The following CACNB2 variants were observed in gnomAD, a reference collection of about 807,000 sequenced individuals.
The protein encoded by CACNB2 is voltage-dependent L-type calcium channel subunit beta-2.
Under a neutral mutation model 73.3 loss-of-function variants are expected in CACNB2, and 42 were observed. The observed-to-expected ratio is 0.57, with a 90% CI of 0.45 to 0.74. CACNB2 has a LOEUF of 0.74. Among genes scored for constraint, CACNB2 ranks in the 30% least tolerant of loss-of-function variants. The pLI, the probability that CACNB2 is intolerant of heterozygous loss-of-function variation, is 0.00. For synonymous variants in CACNB2, 348 were observed against 310.3 expected, an observed-to-expected ratio of 1.12 and a Z score of -1.28; for missense variants, 940 against 853.0, an observed-to-expected ratio of 1.10 and a Z score of -1.27.
intron 2 of CACNB2, among the ~76,000 whole-genome samples, chr10:18,307,145 A>G (rs948953711): frequency 6.6e-6 from 1 of 152,172 alleles, no homozygotes; most frequent in Non-Finnish European, 1.5e-5. Flanking sequence ...AACCAGAGGA[A>G]TACCTCAAAA....
At chr10:18,442,910 AT>A (rs2046487431) in intron 3 of CACNB2, among the ~76,000 whole-genome samples, 1 of 50,452 alleles carries the variant, frequency 2.0e-5, no homozygotes, top group African/African-American at 1.8e-4. Context: ...TGTAAAAACA[AT>A]ATATATATAT....
intron 2 of CACNB2, among the ~76,000 whole-genome samples, chr10:18,358,553 GCTCTCTCTCTC>G (rs2042023541): frequency 3.1e-4 from 11 of 35,046 alleles, no homozygotes; most frequent in Non-Finnish European, 5.5e-4. Flanking sequence ...TCTCTCTCTC[GCTCTCTCTCTC>G]TCTCTCTGGA....
At chr10:18,432,450 C>CTGTGTGTGTGTGTGTG (rs57188373) in intron 3 of CACNB2, among the ~76,000 whole-genome samples, 11 of 150,628 alleles carry the variant, frequency 7.3e-5, no homozygotes, top group African/African-American at 2.7e-4. Flanking sequence ...GTGTGTGTCT[C>CTGTGTGTGTGTGTGTG]TGTGTGTGTG....
At chr10:18,529,620 C>A (rs186165892) in intron 10 of CACNB2, among the ~76,000 whole-genome samples, 1 of 152,136 alleles carries the variant, frequency 6.6e-6, no homozygotes, top group Non-Finnish European at 1.5e-5. Context: ...AAAGCCACAA[C>A]AGGCTTCTGA....
chr10:18,450,619 T>TTTTCTTC (rs2046971824), intron 3 of CACNB2, among the ~76,000 whole-genome samples: 1 of 143,022 alleles, frequency 7.0e-6, no homozygotes, highest in Admixed American at 6.8e-5. Flanking sequence ...TCCAGCTGCT[T>TTTTCTTC]TTTTTTCTTT....
intron 2 of CACNB2, among the ~76,000 whole-genome samples, chr10:18,249,571 A>G (rs944696936): frequency 7.2e-5 from 11 of 152,098 alleles, no homozygotes; most frequent in African/African-American, 2.7e-4. Flanking sequence ...TTCACTTGAG[A>G]TGCTATCATC....
chr10:18,176,272 G>C (rs1287265727), intron 2 of CACNB2, among the ~76,000 whole-genome samples: 1 of 152,136 alleles, frequency 6.6e-6, no homozygotes, highest in Non-Finnish European at 1.5e-5. Context: ...ACTGATGATG[G>C]TGAACAGTAT....
intron 3 of CACNB2, among the ~76,000 whole-genome samples, chr10:18,478,541 C>T (rs184491488): frequency 5.3e-5 from 8 of 152,328 alleles, no homozygotes; most frequent in African/African-American, 1.7e-4. Flanking sequence ...ACTTCCCCTT[C>T]ACCCTGTGAA....
intron 2 of CACNB2, among the ~76,000 whole-genome samples, chr10:18,386,066 A>G (rs1191256048): frequency 6.6e-6 from 1 of 152,230 alleles, no homozygotes. Flanking sequence ...ATAAGGGGCA[A>G]TGTGTGAGAG....
chr10:18,213,311 G>A (rs1364849449), intron 2 of CACNB2, among the ~76,000 whole-genome samples: 4 of 152,180 alleles, frequency 2.6e-5, no homozygotes, highest in Non-Finnish European at 5.9e-5. Context: ...AGCTCAGGAC[G>A]TGGAACCGGT....
At chr10:18,490,604 G>A (rs1047224047) in intron 3 of CACNB2, among the ~76,000 whole-genome samples, 2 of 152,154 alleles carry the variant, frequency 1.3e-5, no homozygotes, top group African/African-American at 4.8e-5. Flanking sequence ...TAGAGGTTGA[G>A]TGAAAGTGAA....
intron 6 of CACNB2, among the ~76,000 whole-genome samples, chr10:18,511,491 G>C (rs530311720): frequency 7.2e-5 from 11 of 152,340 alleles, no homozygotes; most frequent in African/African-American, 2.6e-4. Flanking sequence ...GCTGTGAGCA[G>C]TTCAGCTTGT....
intron 2 of CACNB2, among the ~76,000 whole-genome samples, chr10:18,275,247 C>T (rs2038230860): frequency 1.3e-5 from 2 of 152,284 alleles, no homozygotes; most frequent in South Asian, 4.2e-4. Context: ...TCGTTTTCTG[C>T]CAGGCCTCTG....
At chr10:18,506,427 C>A (rs527911863) in intron 5 of CACNB2, 44 bp from the exon 6 acceptor site, 2 of 997,174 alleles carry the variant, frequency 2.0e-6, no homozygotes. Flanking sequence ...TTTGAGGATG[C>A]GAAATAAGTG....
intron 2 of CACNB2, among the ~76,000 whole-genome samples, chr10:18,327,399 G>A (rs2040627445): frequency 6.6e-6 from 1 of 151,956 alleles, no homozygotes; most frequent in Admixed American, 6.6e-5. Flanking sequence ...GAAATCCTAA[G>A]TTGCCCGGTC....
Position 18,539,842 on chromosome 10 carries a change from T to A in CACNB2, c.*118T>A, listed in dbSNP as rs982717423. 2 of 1,063,536 alleles carry A rather than the reference T, an allele frequency of 1.9e-6. No homozygotes were observed. The highest frequency in any genetic ancestry group is 3.2e-5 in the African/African-American group (2 of 62,908). The allele number at this position is 1,063,536 out of a possible 1,614,324, so 65.9% of individuals were successfully genotyped here. A position where few individuals can be genotyped will look rare whatever the true frequency, so the allele number is the denominator to read the frequency against. ...ATCATATGTGATCTGTCTTGTAATA[T>A]TTTGTATTATTGCTGTTGCTTGAAT... On this transcript the variant is annotated 3_prime_UTR_variant, in exon 14 of 14. Coordinates refer to ENST00000324631, the MANE Select transcript of CACNB2 (RefSeq NM_201596.3).
chr10:18,459,703 C>A (rs540071757), intron 3 of CACNB2, among the ~76,000 whole-genome samples: 1 of 152,158 alleles, frequency 6.6e-6, no homozygotes, highest in African/African-American at 2.4e-5. Flanking sequence ...TACTCTCCAG[C>A]TGTTTGTAAA....
intron 3 of CACNB2, among the ~76,000 whole-genome samples, chr10:18,484,904 G>A (rs139566724): frequency 3.3e-5 from 5 of 152,084 alleles, no homozygotes; most frequent in African/African-American, 1.2e-4. Flanking sequence ...CCTGTAATCT[G>A]AGCACTTTGG....
Position 18,157,269 on chromosome 10 carries a change from G to A in CACNB2, c.213+6294G>A, listed in dbSNP as rs376004414. On this transcript the variant is annotated intron_variant, in intron 2 of 13. Coordinates refer to ENST00000324631, the MANE Select transcript of CACNB2 (RefSeq NM_201596.3). ...TTCAAGAAGCTGGTTAGTGGCGAAC[G>A]CCTGGACTTGGAAGCCAGGCTACAT... 3.3e-4 allele frequency among the ~76,000 whole-genome samples: 51 copies of A among 152,284 alleles called. No individual in the cohort carries two copies. The South Asian group carries it at 9.3e-3, about 28-fold the overall frequency.
Sources: allele counts gnomAD v4.1 joint callset (sites outside exome capture counted in the v4.1 genomes callset), GRCh38; gene constraint gnomAD v4.1.1; transcripts MANE v1.5; gene names NCBI Gene and HGNC (gene_info 2026-07-23, HGNC 2026-07-21).